Variants in CTNNA3 observed in about 807,000 individuals in gnomAD.
The protein encoded by CTNNA3 is catenin alpha-3.
Under a neutral mutation model 95.7 loss-of-function variants are expected in CTNNA3, and 76 were observed. The ratio of observed to expected loss-of-function variants is 0.79; its 90% CI spans 0.66 to 0.96. The LOEUF (loss-of-function observed/expected upper bound fraction) is 0.96, where lower values mean the gene tolerates loss of function less well. Ranked by LOEUF, CTNNA3 falls within the 40% of genes least tolerant of loss-of-function variation. The pLI is 0.00. For missense variants in CTNNA3, 1,191 were observed against 1,089.8 expected, an observed-to-expected ratio of 1.09 and a Z score of -1.31; for synonymous variants, 431 against 374.4, an observed-to-expected ratio of 1.15 and a Z score of -1.74.
rs568181878 is a variant in CTNNA3 at position 66,034,362 on chromosome 10, C to A, written c.2159+34946G>T. ...TTCTCTATTCAATTTTCATCCATAT[C>A]TGATTCATTCTACTAGAGAATTCTG... On this transcript the variant is annotated intron_variant, in intron 15 of 17. Transcript: ENST00000433211. 8.3e-4 allele frequency among the ~76,000 whole-genome samples: 127 copies of A among 152,184 alleles called. 1 individual carries two copies. Among genetic ancestry groups the A allele is most frequent in the African/African-American group, 3.0e-3 (123 of 41,540 alleles).
intron 9 of CTNNA3, among the ~76,000 whole-genome samples, chr10:66,759,632 T>C (rs1430573729): frequency 6.6e-6 from 1 of 152,182 alleles, no homozygotes; most frequent in East Asian, 1.9e-4. Context: ...AATTAATGAA[T>C]AAAGACACTT....
intron 7 of CTNNA3, among the ~76,000 whole-genome samples, chr10:66,806,658 C>A (rs1841655225): frequency 6.6e-6 from 1 of 151,700 alleles, no homozygotes. Context: ...AAGGCTAAGA[C>A]TTTCCTGAGA....
intron 16 of CTNNA3, among the ~76,000 whole-genome samples, chr10:65,974,597 G>A (rs1358106289): frequency 1.3e-5 from 2 of 152,140 alleles, no homozygotes; most frequent in Non-Finnish European, 2.9e-5. Context: ...CTAGACAGGG[G>A]AGGGAGGAAG....
intron 5 of CTNNA3, among the ~76,000 whole-genome samples, chr10:67,516,610 A>G (rs1839822505): frequency 1.3e-5 from 2 of 152,322 alleles, no homozygotes; most frequent in East Asian, 3.9e-4. Context: ...AAAGTGTGCA[A>G]CAAGATGATT....
At chr10:66,001,674 T>A (rs2078771659) in intron 15 of CTNNA3, among the ~76,000 whole-genome samples, 1 of 152,128 alleles carries the variant, frequency 6.6e-6, no homozygotes, top group Non-Finnish European at 1.5e-5. Flanking sequence ...CAAATGTCAT[T>A]TTTTCTTTCC....
chr10:66,115,551 T>C (rs577378705), intron 13 of CTNNA3, among the ~76,000 whole-genome samples: 20 of 146,494 alleles, frequency 1.4e-4, no homozygotes, highest in Non-Finnish European at 1.7e-4. Context: ...GATAGATAGA[T>C]AGATAGATAG....
chr10:66,156,716 T>G (rs2084526885), intron 13 of CTNNA3, among the ~76,000 whole-genome samples: 2 of 151,968 alleles, frequency 1.3e-5, no homozygotes, highest in Admixed American at 1.3e-4. Context: ...CAAAGAATAG[T>G]AACTAGGCCT....
chr10:66,468,665 T>A (rs1839016651), intron 11 of CTNNA3, among the ~76,000 whole-genome samples: 1 of 150,812 alleles, frequency 6.6e-6, no homozygotes, highest in Admixed American at 6.6e-5. Flanking sequence ...ATGTATATGT[T>A]TATTAGCTTG....
At chr10:66,142,508 T>A (rs897142323) in intron 13 of CTNNA3, among the ~76,000 whole-genome samples, 1 of 152,130 alleles carries the variant, frequency 6.6e-6, no homozygotes, top group African/African-American at 2.4e-5. Flanking sequence ...TCTACATATA[T>A]ACTTTCAAGT....
intron 12 of CTNNA3, among the ~76,000 whole-genome samples, chr10:66,333,994 T>C (rs1442891061): frequency 1.3e-5 from 2 of 152,142 alleles, no homozygotes; most frequent in East Asian, 1.9e-4. Flanking sequence ...TGGCCGTCTT[T>C]ATCTCTTTTG....
At chr10:67,633,127 A>T (rs907485943) in intron 2 of CTNNA3, among the ~76,000 whole-genome samples, 1 of 152,026 alleles carries the variant, frequency 6.6e-6, no homozygotes, top group African/African-American at 2.4e-5. Context: ...AGCCAGACTG[A>T]TTCTTTAAGT....
At chr10:67,392,330 G>C (rs1379082308) in intron 5 of CTNNA3, among the ~76,000 whole-genome samples, 4 of 152,286 alleles carry the variant, frequency 2.6e-5, no homozygotes, top group Non-Finnish European at 4.4e-5. Context: ...GGCCATCAGA[G>C]AAATGCAAAT....
chr10:66,640,756 G>A (rs1466612212), intron 9 of CTNNA3, among the ~76,000 whole-genome samples: 2 of 152,108 alleles, frequency 1.3e-5, no homozygotes, highest in African/African-American at 4.8e-5. Context: ...ACCATTAGTA[G>A]TCAAGATTCA....
At chr10:67,189,319 G>A (rs1191407471) in intron 6 of CTNNA3, among the ~76,000 whole-genome samples, 1 of 151,988 alleles carries the variant, frequency 6.6e-6, no homozygotes, top group African/African-American at 2.4e-5. Context: ...CAGGGGCTAG[G>A]GGGCAGGGAC....
intron 7 of CTNNA3, among the ~76,000 whole-genome samples, chr10:66,779,860 C>T (rs1018837675): frequency 1.3e-5 from 2 of 152,294 alleles, no homozygotes; most frequent in East Asian, 3.9e-4. Flanking sequence ...GGACACCATG[C>T]TAAGAACTAG....
intron 13 of CTNNA3, 72 bp from the exon 14 acceptor site, chr10:66,103,321 T>C (rs1246365280): frequency 2.6e-6 from 3 of 1,165,820 alleles, no homozygotes; most frequent in South Asian, 2.5e-5. Context: ...AACGCGGCAG[T>C]ACCTTAAAAG....
intron 9 of CTNNA3, among the ~76,000 whole-genome samples, chr10:66,729,709 A>C (rs1848892352): frequency 6.6e-6 from 1 of 152,186 alleles, no homozygotes; most frequent in Non-Finnish European, 1.5e-5. Context: ...TTGGGTGATG[A>C]GTGCACCAAC....
At chr10:67,479,527 A>T (rs1358665743) in intron 5 of CTNNA3, among the ~76,000 whole-genome samples, 1 of 152,198 alleles carries the variant, frequency 6.6e-6, no homozygotes, top group Non-Finnish European at 1.5e-5. Context: ...AAATTAAGGC[A>T]GAAGTAAAAA....
chr10:66,169,790 TTA>T (rs1485760241), intron 13 of CTNNA3, among the ~76,000 whole-genome samples: 1 of 152,238 alleles, frequency 6.6e-6, no homozygotes, highest in African/African-American at 2.4e-5. Context: ...TGTGCATTTT[TTA>T]TATGTTTGTT....
Sources: allele counts gnomAD v4.1 joint callset (sites outside exome capture counted in the v4.1 genomes callset), GRCh38; gene constraint gnomAD v4.1.1; transcripts MANE v1.5; gene names NCBI Gene and HGNC (gene_info 2026-07-23, HGNC 2026-07-21).